The following EIF2B3 variants were observed in gnomAD, a reference collection of about 807,000 sequenced individuals.
EIF2B3 encodes eukaryotic translation initiation factor 2B subunit gamma.
EIF2B3 carries 20 observed loss-of-function variants against 54.1 expected under a neutral mutation model. The observed-to-expected ratio is 0.37, with a 90% CI of 0.26 to 0.54. EIF2B3 has a LOEUF of 0.54. EIF2B3 is among the 20% of genes least tolerant of loss of function. EIF2B3 has a pLI of 0.86. For synonymous variants in EIF2B3, 153 were observed against 188.1 expected (o/e 0.81, Z 1.52); for missense variants, 448 against 547.8 (o/e 0.82, Z 1.82).
intron 3 of EIF2B3, among the ~76,000 whole-genome samples, chr1:44,942,417 ATTTTTTTT>A (rs34978668): frequency 1.9e-4 from 1 of 5,190 alleles, no homozygotes; most frequent in East Asian, 0.013. Flanking sequence ...ATATATATAT[ATTTTTTTT>A]TTTTTTTTTT....
At chr1:44,985,058 G>A (rs957808815) in intron 1 of EIF2B3, among the ~76,000 whole-genome samples, 1 of 151,076 alleles carries the variant, frequency 6.6e-6, no homozygotes, top group African/African-American at 2.4e-5. Flanking sequence ...CACCCGCCTC[G>A]GCCTCCCAAA....
At chr1:44,875,785 C>A in intron 8 of EIF2B3, 90 bp from the exon 9 acceptor site, 1 of 1,017,400 alleles carries the variant, frequency 9.8e-7, no homozygotes, top group South Asian at 1.3e-5. Context: ...CACTCCCCCT[C>A]CCCACGGTCT....
chr1:44,874,858 C>A, intron 9 of EIF2B3, 32 bp from the exon 10 acceptor site: 1 of 1,613,782 alleles, frequency 6.2e-7, no homozygotes, highest in Non-Finnish European at 8.5e-7. Context: ...ACTCTGTCCA[C>A]CCATCTCAAC....
chr1:44,861,256 C>A (rs1033876355), intron 10 of EIF2B3, among the ~76,000 whole-genome samples: 36 of 152,172 alleles, frequency 2.4e-4, no homozygotes, highest in African/African-American at 8.2e-4. Context: ...GGGGAAATTC[C>A]TCCAAAAGGG....
chr1:44,860,830 C>T (rs1654591504), intron 10 of EIF2B3, among the ~76,000 whole-genome samples: 1 of 151,868 alleles, frequency 6.6e-6, no homozygotes, highest in African/African-American at 2.4e-5. Context: ...ACCCTTTTAA[C>T]AAAACAAAAC....
intron 2 of EIF2B3, among the ~76,000 whole-genome samples, chr1:44,980,768 A>G (rs1001331751): frequency 3.3e-5 from 5 of 152,124 alleles, no homozygotes; most frequent in African/African-American, 9.7e-5. Flanking sequence ...AAGAGTCTCA[A>G]TCTGCTCTTT....
In EIF2B3 at chr1:44,933,122, C is replaced by T. The variant is rs548632699; in HGVS notation, c.455-6383G>A. Among the ~76,000 whole-genome samples the T allele has an allele frequency of 5.9e-5, 9 of 151,900 alleles. No individual in the cohort carries two copies. In the South Asian group the frequency reaches 8.3e-4, roughly 14 times the overall value. On this transcript the variant is annotated intron_variant, in intron 4 of 11. Coordinates refer to ENST00000360403, the MANE Select transcript of EIF2B3 (RefSeq NM_020365.5). Reference sequence around the variant, plus strand: ...TTGCAATGTAAGGAGAGGAAATTCACACAATTGGAGCTTGGGTTGAATTAG... The same window carrying T: ...TTGCAATGTAAGGAGAGGAAATTCATACAATTGGAGCTTGGGTTGAATTAG...
At chr1:44,918,020 G>T (rs1465452165) in intron 5 of EIF2B3, among the ~76,000 whole-genome samples, 1 of 146,046 alleles carries the variant, frequency 6.8e-6, no homozygotes, top group Non-Finnish European at 1.5e-5. Flanking sequence ...TGATCCACCC[G>T]CCTCGGCCTC....
intron 11 of EIF2B3, among the ~76,000 whole-genome samples, chr1:44,855,469 C>T (rs888558002): frequency 6.6e-6 from 1 of 152,152 alleles, no homozygotes; most frequent in Non-Finnish European, 1.5e-5. Context: ...CATTCATTCA[C>T]TCTTTTCCCC....
intron 11 of EIF2B3, among the ~76,000 whole-genome samples, chr1:44,852,278 T>C (rs1256599257): frequency 6.6e-6 from 1 of 151,988 alleles, no homozygotes; most frequent in Admixed American, 6.6e-5. Context: ...TTTATACCTT[T>C]GAACTTTGGC....
At chr1:44,925,955 C>T (rs986438047) in intron 5 of EIF2B3, among the ~76,000 whole-genome samples, 21 of 151,606 alleles carry the variant, frequency 1.4e-4, no homozygotes, top group African/African-American at 4.4e-4. Context: ...ATGGGCCGCA[C>T]GGTGGCTCAC....
Position 44,947,335 on chromosome 1 carries a change from G to C in EIF2B3, c.295-5670C>G, listed in dbSNP as rs575536183. ...TCAAAATCCAAACTGCTGCCAGTTA[G>C]TCTTGACTAAAGTAAACAAATTAAG... On this transcript the variant is annotated intron_variant, in intron 3 of 11. Transcript: ENST00000360403. Among the ~76,000 whole-genome samples the C allele has an allele frequency of 9.2e-5, 14 of 152,310 alleles. No homozygotes were observed. In the East Asian group the frequency reaches 2.5e-3, roughly 27 times the overall value.
chr1:44,905,466 A>G (rs1171320610), intron 5 of EIF2B3, among the ~76,000 whole-genome samples: 1 of 152,170 alleles, frequency 6.6e-6, no homozygotes, highest in Non-Finnish European at 1.5e-5. Flanking sequence ...AACAGCATAC[A>G]TACACTACTC....
chr1:44,982,604 T>G (rs1196967466), intron 1 of EIF2B3, among the ~76,000 whole-genome samples: 1 of 150,468 alleles, frequency 6.6e-6, no homozygotes, highest in East Asian at 2.0e-4. Context: ...TCCTATTTAT[T>G]TATTGTTTAT....
intron 5 of EIF2B3, among the ~76,000 whole-genome samples, chr1:44,905,614 CTG>C (rs1643397613): frequency 6.6e-6 from 1 of 151,868 alleles, no homozygotes; most frequent in Admixed American, 6.6e-5. Flanking sequence ...TGAACTTGTT[CTG>C]TGTTATTTGG....
chr1:44,889,020 A>C (rs1207260352), intron 6 of EIF2B3, among the ~76,000 whole-genome samples: 2 of 152,232 alleles, frequency 1.3e-5, no homozygotes, highest in Non-Finnish European at 2.9e-5. Context: ...TTGACTTTTC[A>C]CAGTGATGCC....
rs772604042 is a variant in EIF2B3 at position 44,897,369 on chromosome 1, G to A, written c.642C>T (p.Phe214=). The A allele has an allele frequency of 1.5e-5, 24 of 1,613,122 alleles. No homozygotes were observed. In the Admixed American group the frequency reaches 2.7e-4, roughly 18 times the overall value. Residue 214 remains phenylalanine (F), a synonymous_variant, in exon 6 of 12, where the codon TTC becomes TTT. Coordinates refer to ENST00000360403, the MANE Select transcript of EIF2B3 (RefSeq NM_020365.5). ...LYCLKKYIVD[F]LMENGSITSI... is the part of the protein sequence containing the mutation. ...CTTTTTCTTACCCATTTTCCATTAG[G>A]AAATCCACGATGTATTTTTTCAAAC... is the stretch of plus-strand genomic sequence containing the variant.
chr1:44,924,660 A>G (rs1423467718), intron 5 of EIF2B3, among the ~76,000 whole-genome samples: 2 of 152,238 alleles, frequency 1.3e-5, no homozygotes, highest in Non-Finnish European at 2.9e-5. Context: ...TGCTGGAATT[A>G]CAGGCGTGAG....
intron 5 of EIF2B3, among the ~76,000 whole-genome samples, chr1:44,897,852 T>C (rs1332254223): frequency 6.6e-6 from 1 of 150,806 alleles, no homozygotes; most frequent in Non-Finnish European, 1.5e-5. Flanking sequence ...TTCTTGTGCC[T>C]CAGCCTACCG....
Sources: gnomAD v4.1 joint callset for allele counts (sites outside exome capture counted in the v4.1 genomes callset) on GRCh38, gnomAD v4.1.1 for gene constraint, MANE v1.5 for transcripts, NCBI Gene and HGNC (gene_info 2026-07-23, HGNC 2026-07-21) for gene names.